CFAP20DC: variants seen among roughly 807,000 people sequenced by gnomAD.
CFAP20DC encodes the protein protein CFAP20DC.
Under a neutral mutation model 101.7 loss-of-function variants are expected in CFAP20DC, and 84 were observed. That is an observed-to-expected ratio of 0.83 (90% confidence interval 0.69 to 0.99). CFAP20DC has a LOEUF of 0.99. CFAP20DC is among the 50% of genes least tolerant of loss of function. CFAP20DC has a pLI of 0.00. For missense variants in CFAP20DC, 1,007 were observed against 970.3 expected (o/e 1.04, Z -0.50); for synonymous variants, 359 against 351.2 (o/e 1.02, Z -0.25).
rs902918472 is a variant in CFAP20DC at position 58,849,414 on chromosome 3, G to T, written c.1594-5C>A. On this transcript the variant is annotated splice_region_variant and splice_polypyrimidine_tract_variant and intron_variant, in intron 12 of 16. Coordinates refer to ENST00000482387, the MANE Select transcript of CFAP20DC (RefSeq NM_001394063.1). ...ACCCTGGATACTGTGGTTACCCTAT[G>T]TTGGGGAACAAAGTAAAAATAATTT... The T allele has an allele frequency of 1.0e-5, 15 of 1,492,028 alleles. No homozygotes were observed. In the African/African-American group the frequency reaches 2.1e-4, roughly 21 times the overall value. The allele number at this position is 1,492,028 out of a possible 1,614,324, so 92.4% of individuals were successfully genotyped here. A position where few individuals can be genotyped will look rare whatever the true frequency, so the allele number is the denominator to read the frequency against.
At chr3:58,856,018 A>T (rs2078768569) in intron 12 of CFAP20DC, among the ~76,000 whole-genome samples, 1 of 151,766 alleles carries the variant, frequency 6.6e-6, no homozygotes, top group African/African-American at 2.4e-5. Context: ...GAAAAAAAGG[A>T]ATGACTGTAG....
intron 4 of CFAP20DC, among the ~76,000 whole-genome samples, chr3:59,030,709 A>G (rs1184670171): frequency 6.6e-6 from 1 of 152,262 alleles, no homozygotes; most frequent in Admixed American, 6.5e-5. Context: ...AGGATAAGAA[A>G]GAAGTCATCA....
chr3:58,734,181 T>C lies in CFAP20DC; in HGVS notation c.198-16553A>G, dbSNP rs183478038. Among the ~76,000 whole-genome samples the C allele has an allele frequency of 4.6e-5, 7 of 152,330 alleles. No homozygotes were observed. In the East Asian group the frequency reaches 1.4e-3, roughly 29 times the overall value. ...TGGTGAGACATGGTGGCTTCCCTTT[T>C]GCCTTCTGCCATGATTATAAGTTTC... On this transcript the variant is annotated intron_variant, in intron 3 of 3. Coordinates refer to the CFAP20DC transcript ENST00000486145.
At chr3:58,969,769 A>C (rs1344623080) in intron 4 of CFAP20DC, among the ~76,000 whole-genome samples, 1 of 152,194 alleles carries the variant, frequency 6.6e-6, no homozygotes, top group African/African-American at 2.4e-5. Flanking sequence ...AAGTGAAAGA[A>C]GCCAGACACA....
At chr3:58,961,522 C>A (rs185609243) in intron 4 of CFAP20DC, among the ~76,000 whole-genome samples, 1 of 152,198 alleles carries the variant, frequency 6.6e-6, no homozygotes, top group African/African-American at 2.4e-5. Flanking sequence ...CCACTGCACT[C>A]CAGCCTGGGC....
At chr3:58,755,741 T>A (rs1400567706) in intron 15 of CFAP20DC, among the ~76,000 whole-genome samples, 2 of 152,166 alleles carry the variant, frequency 1.3e-5, no homozygotes, top group Non-Finnish European at 1.5e-5. Flanking sequence ...CTACTGTATA[T>A]CCTTCACCCA....
At chr3:58,734,860 A>C (rs902969894) in intron 3 of CFAP20DC, among the ~76,000 whole-genome samples, 1 of 152,128 alleles carries the variant, frequency 6.6e-6, no homozygotes, top group African/African-American at 2.4e-5. Context: ...CTTTGAGGGG[A>C]GTTATTGAAG....
At chr3:58,789,054 T>C (rs2072627060) in intron 15 of CFAP20DC, among the ~76,000 whole-genome samples, 1 of 152,146 alleles carries the variant, frequency 6.6e-6, no homozygotes, top group African/African-American at 2.4e-5. Context: ...TGGCACACAG[T>C]ATAAAACTCA....
intron 15 of CFAP20DC, among the ~76,000 whole-genome samples, chr3:58,757,072 A>T (rs1471508015): frequency 6.6e-6 from 1 of 152,054 alleles, no homozygotes; most frequent in Admixed American, 6.6e-5. Context: ...TGAAAAGGTA[A>T]ATTTCTAAAA....
intron 3 of CFAP20DC, chr3:58,734,609 G>A (rs1029193360): frequency 2.2e-6 from 1 of 456,158 alleles, no homozygotes; most frequent in African/African-American, 2.0e-5. Context: ...ACAAATGGAT[G>A]TCATCCCATT....
chr3:58,884,426 C>A, intron 7 of CFAP20DC, 119 bp downstream of exon 7: 1 of 888,770 alleles, frequency 1.1e-6, no homozygotes, highest in Non-Finnish European at 1.7e-6. Context: ...GGCAAGTATA[C>A]TCTGTTAAGT....
At chr3:58,986,240 A>G (rs556843925) in intron 4 of CFAP20DC, among the ~76,000 whole-genome samples, 1 of 152,338 alleles carries the variant, frequency 6.6e-6, no homozygotes, top group East Asian at 1.9e-4. Flanking sequence ...CCAGTCAGCT[A>G]TCAGTTGATG....
intron 4 of CFAP20DC, among the ~76,000 whole-genome samples, chr3:59,029,100 C>T (rs1412731137): frequency 6.6e-6 from 1 of 152,152 alleles, no homozygotes; most frequent in Non-Finnish European, 1.5e-5. Context: ...ATCTTTCACT[C>T]ACAGAGTAAC....
rs1210066728 is a variant in CFAP20DC, at chr3:58,845,870, A to C, written c.1971+3162T>G. ...AAGGCTGGTTCAATATACGCAAATC[A>C]ATAAATGTAATCCAGCATATAAACA... On this transcript the variant is annotated intron_variant, in intron 13 of 16. Transcript: ENST00000482387. 2.0e-3 allele frequency among the ~76,000 whole-genome samples: 296 copies of C among 150,580 alleles called. 1 individual carries two copies. Among genetic ancestry groups the C allele is most frequent in the African/African-American group, 6.9e-3 (282 of 40,962 alleles).
intron 4 of CFAP20DC, among the ~76,000 whole-genome samples, chr3:59,016,310 T>C (rs1193452700): frequency 6.6e-6 from 1 of 152,070 alleles, no homozygotes. Context: ...CAGAAAGATG[T>C]TGTCACTCAT....
chr3:58,824,275 G>A (rs2107961510), intron 14 of CFAP20DC, among the ~76,000 whole-genome samples: 1 of 152,236 alleles, frequency 6.6e-6, no homozygotes, highest in South Asian at 2.1e-4. Context: ...ATTATAAGGA[G>A]TCTGAAATGC....
chr3:58,976,151 C>T (rs1382957377), intron 4 of CFAP20DC, among the ~76,000 whole-genome samples: 1 of 152,178 alleles, frequency 6.6e-6, no homozygotes, highest in African/African-American at 2.4e-5. Flanking sequence ...GACTGATCTC[C>T]ACTTAAGACC....
chr3:58,877,819 T>A (rs1429603505), intron 7 of CFAP20DC, among the ~76,000 whole-genome samples: 1 of 152,214 alleles, frequency 6.6e-6, no homozygotes, highest in East Asian at 1.9e-4. Context: ...TAGATAAGTA[T>A]TGAAACTGCA....
chr3:58,725,426 A>G (rs1002483290), intron 3 of CFAP20DC, among the ~76,000 whole-genome samples: 2 of 152,130 alleles, frequency 1.3e-5, no homozygotes, highest in African/African-American at 4.8e-5. Flanking sequence ...TCTGCTGGCA[A>G]TGGATCATGT....
Sources: allele counts gnomAD v4.1 joint callset (sites outside exome capture counted in the v4.1 genomes callset), GRCh38; gene constraint gnomAD v4.1.1; transcripts MANE v1.5; gene names NCBI Gene and HGNC (gene_info 2026-07-23, HGNC 2026-07-21).